EHBP1: variants seen among roughly 807,000 people sequenced by gnomAD.
The protein encoded by EHBP1 is EH domain binding protein 1, also known as EH domain-binding protein 1.
In EHBP1, 55 loss-of-function variants were observed where a neutral mutation model predicts 144.0. The ratio of observed to expected loss-of-function variants is 0.38; its 90% confidence interval spans 0.31 to 0.48. The LOEUF (loss-of-function observed/expected upper bound fraction) is 0.48, where lower values mean the gene tolerates loss of function less well. Among genes scored for constraint, EHBP1 ranks in the 20% least tolerant of loss-of-function variants. The pLI, the probability that EHBP1 is intolerant of heterozygous loss-of-function variation, is 0.98. For synonymous variants in EHBP1, 469 were observed against 472.7 expected, an observed-to-expected ratio of 0.99 and a Z score of 0.10; for missense variants, 1,200 against 1,364.2, an observed-to-expected ratio of 0.88 and a Z score of 1.90.
chr2:62,781,842 T>G (rs115066595), intron 5 of EHBP1, among the ~76,000 whole-genome samples: 395 of 152,310 alleles, frequency 2.6e-3, no homozygotes, highest in African/African-American at 8.5e-3. Flanking sequence ...CCTCTTAAAA[T>G]AAAAATAAGC....
At chr2:63,040,166 TATA>T (rs987669989) in intron 21 of EHBP1, among the ~76,000 whole-genome samples, 2 of 149,948 alleles carry the variant, frequency 1.3e-5, no homozygotes, top group Admixed American at 1.3e-4. Context: ...ATGTGTAATA[TATA>T]ATGTTTATAT....
chr2:62,991,415 T>C (rs1216512927), intron 16 of EHBP1, among the ~76,000 whole-genome samples: 5 of 152,154 alleles, frequency 3.3e-5, no homozygotes, highest in African/African-American at 1.2e-4. Flanking sequence ...GAGTTCTATA[T>C]GTATGTATAT....
chr2:62,899,672 C>T (rs2053238215), intron 10 of EHBP1, among the ~76,000 whole-genome samples: 1 of 152,166 alleles, frequency 6.6e-6, no homozygotes, highest in Non-Finnish European at 1.5e-5. Context: ...CTGAAAGTTT[C>T]AACGATGATG....
intron 19 of EHBP1, among the ~76,000 whole-genome samples, chr2:63,026,332 G>A (rs1028187558): frequency 6.6e-6 from 1 of 151,342 alleles, no homozygotes; most frequent in South Asian, 2.1e-4. Flanking sequence ...GTGTGTGTGT[G>A]TGTGTGTGTG....
At chr2:62,977,625 A>G (rs2058774725) in intron 14 of EHBP1, among the ~76,000 whole-genome samples, 1 of 152,136 alleles carries the variant, frequency 6.6e-6, no homozygotes, top group Admixed American at 6.6e-5. Flanking sequence ...GAGAGTATAA[A>G]TAGTATATAG....
rs1476925666 is a variant in EHBP1, at chr2:63,033,695, ATAC to A, written c.3104-3835_3104-3833del. Among the ~76,000 whole-genome samples the A allele has an allele frequency of 2.0e-5, 3 of 152,286 alleles. No homozygotes were observed. In the South Asian group the frequency reaches 6.2e-4, roughly 32 times the overall value. ...ATTCATTTTAAAACTTATGTTGAAA[ATAC>A]TACTTCTGAAAAAATAAATAAAAAT... On this transcript the variant is annotated intron_variant, in intron 19 of 22. Transcript: ENST00000431489.
intron 10 of EHBP1, among the ~76,000 whole-genome samples, chr2:62,905,340 A>G (rs548484373): frequency 3.3e-5 from 5 of 152,326 alleles, no homozygotes; most frequent in East Asian, 1.9e-4. Flanking sequence ...AATTTAGCAC[A>G]TTAGAGGAAC....
At chr2:63,043,240 A>C (rs2061751524) in intron 21 of EHBP1, among the ~76,000 whole-genome samples, 2 of 152,212 alleles carry the variant, frequency 1.3e-5, no homozygotes, top group African/African-American at 4.8e-5. Flanking sequence ...CCTCAGTTGC[A>C]TTTAAATCCA....
chr2:62,916,158 A>T (rs962689834), intron 10 of EHBP1, among the ~76,000 whole-genome samples: 103 of 152,242 alleles, frequency 6.8e-4, no homozygotes, highest in African/African-American at 2.2e-3. Context: ...TTGTCTCTAA[A>T]ATAATAGAAC....
chr2:62,901,877 A>AT (rs567184602), intron 10 of EHBP1, among the ~76,000 whole-genome samples: 36 of 151,438 alleles, frequency 2.4e-4, no homozygotes, highest in African/African-American at 7.5e-4. Context: ...AGGTAGGAAG[A>AT]TTTCTTGAGC....
intron 7 of EHBP1, among the ~76,000 whole-genome samples, chr2:62,835,106 T>C (rs1306238209): frequency 6.6e-6 from 1 of 152,208 alleles, no homozygotes; most frequent in East Asian, 1.9e-4. Flanking sequence ...TTGTAAACAA[T>C]GGTTTTTTTA....
intron 2 of EHBP1, among the ~76,000 whole-genome samples, chr2:62,729,604 A>T (rs1272113517): frequency 7.5e-6 from 1 of 133,738 alleles, no homozygotes; most frequent in Non-Finnish European, 1.5e-5. Context: ...ATATAATAAT[A>T]AATATAATAA....
chr2:62,831,105 A>G lies in EHBP1; in HGVS notation c.581A>G (p.Glu194Gly). The G allele has an allele frequency of 1.2e-6, 2 of 1,610,142 alleles. No individual in the cohort carries two copies. Among genetic ancestry groups the G allele is most frequent in the Non-Finnish European group, 1.7e-6 (2 of 1,178,910 alleles). Residue 194 changes from glutamate (E) to glycine (G), a missense_variant, in exon 7 of 23, where the codon GAA (glutamate) becomes GGA (glycine). Transcript: ENST00000431489. ...GNLDDFEEDNEDDDENRVNQE... is the reference protein window; with the variant it reads ...GNLDDFEEDNGDDDENRVNQE... Reference sequence around the variant, plus strand: ...TTAGATGACTTCGAAGAAGATAATGAAGATGATGATGAGAACAGAGTGAAC... The same window carrying G: ...TTAGATGACTTCGAAGAAGATAATGGAGATGATGATGAGAACAGAGTGAAC...
At chr2:62,916,628 G>A (rs2054637450) in intron 10 of EHBP1, among the ~76,000 whole-genome samples, 1 of 151,066 alleles carries the variant, frequency 6.6e-6, no homozygotes, top group South Asian at 2.1e-4. Flanking sequence ...AAGTTAAAAA[G>A]TGATAGGTAA....
At chr2:62,973,636 G>A (rs1574308584) in intron 14 of EHBP1, among the ~76,000 whole-genome samples, 1 of 152,214 alleles carries the variant, frequency 6.6e-6, no homozygotes, top group Non-Finnish European at 1.5e-5. Flanking sequence ...GATAGCAGCA[G>A]CCATCATCAA....
At chr2:62,951,541 G>T (rs376349575) in intron 13 of EHBP1, among the ~76,000 whole-genome samples, 1,730 of 141,874 alleles carry the variant, frequency 0.012, 33 homozygotes, top group Middle Eastern at 0.045. Context: ...TTTTGGGGGG[G>T]GGGGGTGGAG....
chr2:62,715,852 C>A (rs1332708989), intron 2 of EHBP1, among the ~76,000 whole-genome samples: 1 of 152,124 alleles, frequency 6.6e-6, no homozygotes, highest in Non-Finnish European at 1.5e-5. Context: ...GAAACGTTTT[C>A]TATCTTATTC....
chr2:62,998,911 G>C (rs572127556), intron 19 of EHBP1, among the ~76,000 whole-genome samples: 4 of 152,234 alleles, frequency 2.6e-5, no homozygotes, highest in African/African-American at 9.6e-5. Flanking sequence ...TTTAAGATTT[G>C]CCTAAAACCT....
intron 14 of EHBP1, among the ~76,000 whole-genome samples, chr2:62,967,001 CTG>C (rs1246994470): frequency 1.3e-5 from 2 of 152,184 alleles, no homozygotes. Flanking sequence ...TCACCTGCCT[CTG>C]AGTCTCCAAT....
Sources: allele counts gnomAD v4.1 joint callset (sites outside exome capture counted in the v4.1 genomes callset), GRCh38; gene constraint gnomAD v4.1.1; transcripts MANE v1.5; gene names NCBI Gene and HGNC (gene_info 2026-07-23, HGNC 2026-07-21).